The following MYH13 variants were observed in gnomAD, a reference collection of about 807,000 sequenced individuals.
MYH13 encodes the protein myosin heavy chain 13.
MYH13 carries 177 observed loss-of-function variants against 232.1 expected under a neutral mutation model. That is an observed-to-expected ratio of 0.76 (90% CI 0.67 to 0.86). The LOEUF (loss-of-function observed/expected upper bound fraction) is 0.86. Among genes scored for constraint, MYH13 ranks in the 40% least tolerant of loss-of-function variants. The pLI, the probability that MYH13 is intolerant of heterozygous loss-of-function variation, is 0.00. For synonymous variants in MYH13, 884 were observed against 923.5 expected, an observed-to-expected ratio of 0.96 and a Z score of 0.78; for missense variants, 2,246 against 2,405.9, an observed-to-expected ratio of 0.93 and a Z score of 1.39.
At chr17:10,347,712 C>CTTTTTTTTTT (rs71139041) in intron 12 of MYH13, among the ~76,000 whole-genome samples, 9 of 86,720 alleles carry the variant, frequency 1.0e-4, no homozygotes, top group Admixed American at 1.7e-4. Context: ...GGGACTACTT[C>CTTTTTTTTTT]TTTTTTTTTT....
chr17:10,339,353 T>C (rs1548647), intron 18 of MYH13, among the ~76,000 whole-genome samples: 25,269 of 152,202 alleles, frequency 0.17, 2,542 homozygotes, highest in East Asian at 0.5. Flanking sequence ...TATTTATATA[T>C]AGTCTGTATT....
chr17:10,366,503 CT>C (rs2071839411), intron 2 of MYH13, among the ~76,000 whole-genome samples: 1 of 150,786 alleles, frequency 6.6e-6, no homozygotes, highest in Non-Finnish European at 1.5e-5. Context: ...GCCTCAGTCT[CT>C]TGAGTAGTTG....
At chr17:10,324,694 G>T (rs1346708862) in intron 22 of MYH13, 1 of 155,274 alleles carries the variant, frequency 6.4e-6, no homozygotes, top group Non-Finnish European at 1.4e-5. Flanking sequence ...TGATCCTTCC[G>T]CCTCGGCCTC....
intron 12 of MYH13, 25 bp downstream of exon 12, chr17:10,350,531 G>A (rs139039593): frequency 2.2e-5 from 36 of 1,607,382 alleles, no homozygotes; most frequent in South Asian, 1.1e-4. Context: ...GGACCCAATC[G>A]CATCCCTTTC....
rs117346633 is a variant in MYH13 at position 10,304,205 on chromosome 17, G to A, written c.5467-707C>T. ...TGGGTGCAGCAAACCAACATAGCAC[G>A]TTTATACCTATGTAATAAACCTGCA... On this transcript the variant is annotated intron_variant, in intron 37 of 40. Coordinates refer to ENST00000252172, the MANE Select transcript of MYH13 (RefSeq NM_003802.3). This position sits in a 1 kb window ranked among gnomAD's most constrained non-coding sequence, Gnocchi z 5.3. 1.6e-3 allele frequency among the ~76,000 whole-genome samples: 248 copies of A among 152,250 alleles called. 4 individuals carry two copies. In the East Asian group the frequency reaches 0.029, roughly 18 times the overall value.
chr17:10,372,783 C>A (rs930735753), intron 1 of MYH13, among the ~76,000 whole-genome samples, 196 bp downstream of exon 1: 4 of 152,136 alleles, frequency 2.6e-5, no homozygotes, highest in Non-Finnish European at 5.9e-5. Flanking sequence ...TGTCTTTTCA[C>A]CCCTTGTAAA....
chr17:10,329,741 GGGAGGCCAAGGCGGGC>G (rs572237476), intron 21 of MYH13, among the ~76,000 whole-genome samples: 118 of 152,366 alleles, frequency 7.7e-4, no homozygotes, highest in African/African-American at 2.5e-3. Context: ...CCAGCAATGT[GGGAGGCCAAGGCGGGC>G]GGATCACCTG....
chr17:10,331,490 G>A (rs548602879), intron 20 of MYH13, among the ~76,000 whole-genome samples: 8 of 152,146 alleles, frequency 5.3e-5, no homozygotes, highest in Admixed American at 2.0e-4. Flanking sequence ...CTCCCACCTC[G>A]CTGGTTAGTG....
At position 10,306,034 on chromosome 17, in the gene MYH13, T is replaced by C. The variant is rs1045357292; in HGVS notation, c.5466+425A>G. On this transcript the variant is annotated intron_variant, in intron 37 of 40. Transcript: ENST00000252172. The surrounding 1 kb of genome is among the most constrained non-coding windows in gnomAD (Gnocchi z 4.3). ...CAGATTTTATGTAGGATGGGCTGTG[T>C]TGATCAAAGTGAAGCTTGGTCCAAA... Among the ~76,000 whole-genome samples the C allele has an allele frequency of 6.6e-6, 1 of 152,196 alleles. No individual in the cohort carries two copies. The highest frequency in any genetic ancestry group is 2.4e-5 in the African/African-American group (1 of 41,452).
Position 10,345,370 on chromosome 17 carries a change from G to A in MYH13, c.1416C>T (p.Phe472=). 6.2e-7 allele frequency: 1 copy of A among 1,614,210 alleles called. No homozygotes were observed. Among genetic ancestry groups the A allele is most frequent in the Non-Finnish European group, 8.5e-7 (1 of 1,180,042 alleles). The stretch of plus-strand genomic sequence containing the variant: ...TGATGCACAGCTGCTCCAGGCTGTT[G>A]AACTGGGTGATTCAAATACCAAAGA... The part of the protein sequence containing the change: ...LDIAGFEIFD[F]NSLEQLCINF... The change falls in exon 15 of 41, where the codon TTC becomes TTT. Residue 472 remains phenylalanine, a splice_region_variant and synonymous_variant. Transcript: ENST00000252172.
intron 18 of MYH13, among the ~76,000 whole-genome samples, chr17:10,339,429 A>G (rs1348000193): frequency 6.6e-6 from 1 of 152,250 alleles, no homozygotes; most frequent in Non-Finnish European, 1.5e-5. Context: ...ACTGGAGATC[A>G]ATACGCGTAT....
chr17:10,322,039 G>A (rs1368215933), intron 23 of MYH13, among the ~76,000 whole-genome samples: 1 of 152,300 alleles, frequency 6.6e-6, no homozygotes, highest in East Asian at 1.9e-4. Context: ...GTGTTTGTTA[G>A]GTTGGCTGAA....
intron 18 of MYH13, among the ~76,000 whole-genome samples, chr17:10,338,567 T>C (rs2071593650): frequency 6.6e-6 from 1 of 152,008 alleles, no homozygotes; most frequent in Non-Finnish European, 1.5e-5. Context: ...CACTTACTCA[T>C]TGAACCCTCA....
intron 12 of MYH13, 44 bp from the exon 13 acceptor site, chr17:10,346,842 G>T: frequency 1.4e-6 from 2 of 1,436,450 alleles, no homozygotes; most frequent in Non-Finnish European, 2.0e-6. Context: ...AACAGTAGCT[G>T]CTAAAGTGTC....
chr17:10,325,156 GAAATTACAAGTTCATTTT>G (rs1461216841), intron 22 of MYH13, among the ~76,000 whole-genome samples: 3 of 152,014 alleles, frequency 2.0e-5, no homozygotes, highest in Non-Finnish European at 1.5e-5. Flanking sequence ...AGGAGTTTGT[GAAATTACAAGTTCATTTT>G]AAAGAATGAA....
chr17:10,304,925 C>T lies in MYH13; in HGVS notation c.5467-1427G>A, dbSNP rs536810047. Among the ~76,000 whole-genome samples, 198 of 152,314 alleles carry T rather than the reference C, an allele frequency of 1.3e-3. 1 individual carries two copies. The highest frequency in any genetic ancestry group is 4.7e-3 in the African/African-American group (195 of 41,568). ...GCCAGGGAGGGGCAGCAGCCAGCTG[C>T]ATGCTCCACTCCACTGGGAATCCCA... On this transcript the variant is annotated intron_variant, in intron 37 of 40. Coordinates refer to ENST00000252172, the MANE Select transcript of MYH13 (RefSeq NM_003802.3). The surrounding 1 kb of genome is among the most constrained non-coding windows in gnomAD (Gnocchi z 5.3).
chr17:10,311,583 G>T (rs1419446770), intron 32 of MYH13, among the ~76,000 whole-genome samples: 2 of 152,222 alleles, frequency 1.3e-5, no homozygotes, highest in Admixed American at 6.5e-5. Context: ...TTGTAGATCA[G>T]AAATCTGAGG....
At chr17:10,365,398 C>T (rs759981089) in intron 2 of MYH13, among the ~76,000 whole-genome samples, 1 of 152,220 alleles carries the variant, frequency 6.6e-6, no homozygotes, top group East Asian at 1.9e-4. Flanking sequence ...TGGTCCCAAA[C>T]TTTAACATGC....
chr17:10,326,759 G>C (rs566010769), intron 22 of MYH13, among the ~76,000 whole-genome samples: 2 of 150,592 alleles, frequency 1.3e-5, no homozygotes, highest in Admixed American at 6.6e-5. Flanking sequence ...TTACAGGTGT[G>C]AGCCACCGCG....
Sources: gnomAD v4.1 joint callset for allele counts (sites outside exome capture counted in the v4.1 genomes callset) on GRCh38, gnomAD v4.1.1 for gene constraint, Gnocchi (gnomAD v3.1) non-coding constraint, MANE v1.5 for transcripts, NCBI Gene and HGNC (gene_info 2026-07-23, HGNC 2026-07-21) for gene names.